The following MED15 variants were observed in gnomAD, a reference collection of about 807,000 sequenced individuals.
The protein encoded by MED15 is mediator of RNA polymerase II transcription subunit 15.
In MED15, 41 loss-of-function variants were observed where a neutral mutation model predicts 118.7. The observed-to-expected ratio is 0.35, with a 90% CI of 0.27 to 0.45. The LOEUF is 0.45. MED15 is among the 20% of genes least tolerant of loss of function. MED15 has a pLI of 1.00. For missense variants in MED15, 740 were observed against 1,025.5 expected (o/e 0.72, Z 3.80); for synonymous variants, 436 against 413.9 (o/e 1.05, Z -0.65).
chr22:20,561,612 G>T (rs962365293), intron 5 of MED15, among the ~76,000 whole-genome samples: 1 of 152,126 alleles, frequency 6.6e-6, no homozygotes, highest in African/African-American at 2.4e-5. Context: ...AAACTTTTCT[G>T]CTGAAAGATA....
At chr22:20,515,631 A>G (rs1335546697) in intron 1 of MED15, among the ~76,000 whole-genome samples, 3 of 151,980 alleles carry the variant, frequency 2.0e-5, no homozygotes, top group African/African-American at 7.3e-5. Flanking sequence ...TTCTACTAAA[A>G]ATACAAAAAT....
At chr22:20,530,599 G>C (rs2054816486) in intron 1 of MED15, among the ~76,000 whole-genome samples, 1 of 152,144 alleles carries the variant, frequency 6.6e-6, no homozygotes, top group Non-Finnish European at 1.5e-5. Context: ...TGGTAAAGAG[G>C]GTGGGGTCAG....
chr22:20,563,959 A>T (rs2056336325), intron 5 of MED15, among the ~76,000 whole-genome samples: 1 of 152,240 alleles, frequency 6.6e-6, no homozygotes, highest in African/African-American at 2.4e-5. Context: ...CACAAAGTAG[A>T]AGCAGCGCAA....
chr22:20,575,290 C>A, intron 9 of MED15, 58 bp downstream of exon 9: 1 of 1,584,150 alleles, frequency 6.3e-7, no homozygotes, highest in Non-Finnish European at 8.6e-7. Flanking sequence ...CTCTGAGCGC[C>A]TTTGTAAAGC....
intron 2 of MED15, among the ~76,000 whole-genome samples, chr22:20,550,624 A>G (rs1175532435): frequency 6.6e-6 from 1 of 152,272 alleles, no homozygotes. Context: ...CCCTGCCAGA[A>G]GGATGGGCAC....
At chr22:20,561,450 G>A (rs1480105824) in intron 5 of MED15, among the ~76,000 whole-genome samples, 4 of 151,942 alleles carry the variant, frequency 2.6e-5, no homozygotes, top group Non-Finnish European at 1.5e-5. Flanking sequence ...AACCCGGGAG[G>A]CGGAGGTTGC....
chr22:20,566,803 C>A lies in MED15; in HGVS notation c.1027C>A (p.Pro343Thr). 6.2e-7 allele frequency: 1 copy of A among 1,613,690 alleles called. No individual in the cohort carries two copies. The highest frequency in any genetic ancestry group is 8.5e-7 in the Non-Finnish European group (1 of 1,179,556). The part of the protein sequence containing the change: ...ALPGQMLYTQ[P>T]PLKFVRAPMV... ...CCCTGGACAAATGTTGTATACCCAA[C>A]CACCACTGAAATTTGTGAGTACCTG... The change falls in exon 7 of 18, where the codon CCA becomes ACA. Residue 343 changes from proline (P) to threonine (T), a missense_variant. This residue lies in a region of MED15 where 384 missense variants were observed against 506.3 expected (regional missense o/e 0.76). Transcript: ENST00000263205.
At chr22:20,560,379 C>G (rs763143065) in intron 5 of MED15, among the ~76,000 whole-genome samples, 6 of 152,134 alleles carry the variant, frequency 3.9e-5, no homozygotes, top group Non-Finnish European at 8.8e-5. Context: ...ATTCTCCTGC[C>G]TCAGCCTCCC....
At chr22:20,539,391 G>A (rs892607776) in intron 2 of MED15, among the ~76,000 whole-genome samples, 5 of 152,214 alleles carry the variant, frequency 3.3e-5, no homozygotes, top group Admixed American at 1.3e-4. Flanking sequence ...GATTACAGAC[G>A]TGAGCCACCG....
At chr22:20,558,383 T>G (rs1276220002) in intron 5 of MED15, among the ~76,000 whole-genome samples, 2 of 151,874 alleles carry the variant, frequency 1.3e-5, no homozygotes, top group African/African-American at 4.8e-5. Flanking sequence ...CAGGGGACAT[T>G]GTGATAGTTT....
chr22:20,543,620 C>T (rs765329180), intron 2 of MED15, among the ~76,000 whole-genome samples: 17 of 148,708 alleles, frequency 1.1e-4, no homozygotes, highest in African/African-American at 3.7e-4. Context: ...TGCAGTAGCG[C>T]GATCTCGGCT....
At chr22:20,585,923 C>A in intron 17 of MED15, 97 bp downstream of exon 17, 2 of 1,086,244 alleles carry the variant, frequency 1.8e-6, no homozygotes, top group Non-Finnish European at 2.7e-6. Context: ...CCTCTGTGTG[C>A]TCCTGCCCCT....
Position 20,566,636 on chromosome 22 carries a change from C to G in MED15, c.860C>G (p.Pro287Arg), listed in dbSNP as rs781519780. 1.2e-5 allele frequency: 19 copies of G among 1,614,104 alleles called. No individual in the cohort carries two copies. Among genetic ancestry groups the G allele is most frequent in the Non-Finnish European group, 1.6e-5 (19 of 1,180,004 alleles). ...QPQPPPSQAL[P>R]QQLQQMHHTQ... is the part of the protein sequence containing the mutation. ...CAGCCTCCGCCCTCCCAGGCTCTGC[C>G]CCAGCAGCTGCAGCAGATGCATCAC... The change falls in exon 7 of 18, where the codon CCC (proline) becomes CGC (arginine). Residue 287 changes from proline to arginine, a missense_variant. Physicochemically the swap from Pro to Arg is moderately radical, Grantham distance 103 (BLOSUM62 -2). This residue lies in a region of MED15 where 384 missense variants were observed against 506.3 expected (regional missense o/e 0.76). Coordinates refer to ENST00000263205, the MANE Select transcript of MED15 (RefSeq NM_001003891.3).
intron 9 of MED15, among the ~76,000 whole-genome samples, chr22:20,579,587 G>C (rs1035363296): frequency 2.6e-5 from 4 of 152,124 alleles, no homozygotes; most frequent in African/African-American, 9.7e-5. Flanking sequence ...GTTCCTCTGT[G>C]AGATGGAGCT....
chr22:20,520,274 T>G (rs2054400664), intron 1 of MED15, among the ~76,000 whole-genome samples: 1 of 152,216 alleles, frequency 6.6e-6, no homozygotes. Flanking sequence ...CTTCTGTTCT[T>G]TGCTCTTTCC....
At chr22:20,526,447 A>T (rs564084058) in intron 1 of MED15, among the ~76,000 whole-genome samples, 8 of 152,198 alleles carry the variant, frequency 5.3e-5, no homozygotes, top group Non-Finnish European at 1.2e-4. Flanking sequence ...CTCCTCCCTC[A>T]TTCTTCCAGT....
chr22:20,575,339 T>G, intron 9 of MED15, 107 bp downstream of exon 9: 1 of 1,377,526 alleles, frequency 7.3e-7, no homozygotes, highest in Non-Finnish European at 9.6e-7. Context: ...TCTTTTATGG[T>G]GGCTTTCAGA....
chr22:20,514,077 G>A (rs1417246016), intron 1 of MED15, among the ~76,000 whole-genome samples: 1 of 152,038 alleles, frequency 6.6e-6, no homozygotes, highest in African/African-American at 2.4e-5. Flanking sequence ...TGTCTCCCAG[G>A]CTGGTCTTGA....
At chr22:20,524,827 G>A (rs745668680) in intron 1 of MED15, among the ~76,000 whole-genome samples, 10 of 152,038 alleles carry the variant, frequency 6.6e-5, no homozygotes, top group Admixed American at 3.9e-4. Flanking sequence ...TAGTAGAGAC[G>A]GGATTTCGAA....
Sources: gnomAD v4.1 joint callset for allele counts (sites outside exome capture counted in the v4.1 genomes callset) on GRCh38, gnomAD v4.1.1 for gene constraint, gnomAD v4.1.1 regional missense constraint, MANE v1.5 for transcripts, NCBI Gene and HGNC (gene_info 2026-07-23, HGNC 2026-07-21) for gene names.